GPC6: variants seen among roughly 807,000 people sequenced by gnomAD.
The protein encoded by GPC6 is glypican-6.
In GPC6, 14 loss-of-function variants were observed where a neutral mutation model predicts 55.2. That is an observed-to-expected ratio of 0.25 (90% CI 0.17 to 0.40). The LOEUF (loss-of-function observed/expected upper bound fraction) is 0.40. Among genes scored for constraint, GPC6 ranks in the 10% least tolerant of loss-of-function variants. The pLI is 1.00. For synonymous variants in GPC6, 278 were observed against 259.6 expected (o/e 1.07, Z -0.68); for missense variants, 641 against 708.5 (o/e 0.90, Z 1.08).
chr13:93,738,657 T>C (rs927822444), intron 2 of GPC6, among the ~76,000 whole-genome samples: 1 of 151,976 alleles, frequency 6.6e-6, no homozygotes, highest in African/African-American at 2.4e-5. Context: ...ACATGGGGGT[T>C]TGGAGTAGGA....
intron 1 of GPC6, among the ~76,000 whole-genome samples, chr13:93,351,884 T>G (rs937557977): frequency 2.0e-5 from 3 of 152,144 alleles, no homozygotes; most frequent in African/African-American, 7.2e-5. Flanking sequence ...AAGGTAATTA[T>G]TAAGGATAAG....
chr13:94,245,574 T>TAAAGAATA (rs933410637), intron 4 of GPC6, among the ~76,000 whole-genome samples: 1 of 151,886 alleles, frequency 6.6e-6, no homozygotes, highest in Non-Finnish European at 1.5e-5. Context: ...TCCCTGTCTC[T>TAAAGAATA]AAAAAATAAA....
intron 1 of GPC6, among the ~76,000 whole-genome samples, chr13:93,518,575 T>G (rs1417127762): frequency 6.6e-6 from 1 of 152,042 alleles, no homozygotes; most frequent in African/African-American, 2.4e-5. Context: ...GTTCCTTAAC[T>G]GTTATCTTAG....
chr13:93,360,889 C>G (rs116910188), intron 1 of GPC6, among the ~76,000 whole-genome samples: 2,912 of 152,226 alleles, frequency 0.019, 59 homozygotes, highest in South Asian at 0.045. Context: ...GATGTGGAAG[C>G]CTTTAACTCC....
chr13:93,533,268 C>G (rs1405200992), intron 1 of GPC6, among the ~76,000 whole-genome samples: 1 of 152,206 alleles, frequency 6.6e-6, no homozygotes. Flanking sequence ...AGACTAAGAA[C>G]AGTCCAGGTC....
intron 4 of GPC6, among the ~76,000 whole-genome samples, chr13:94,144,436 CA>C (rs1887489655): frequency 1.3e-5 from 2 of 150,242 alleles, no homozygotes; most frequent in South Asian, 2.1e-4. Flanking sequence ...CACACACACA[CA>C]CACACACCAG....
intron 2 of GPC6, among the ~76,000 whole-genome samples, chr13:93,716,232 C>A (rs986298723): frequency 1.3e-5 from 2 of 151,588 alleles, no homozygotes; most frequent in Non-Finnish European, 3.0e-5. Context: ...ATGTTTTAAT[C>A]ATTATTTCAG....
chr13:93,811,749 A>G (rs529625537), intron 2 of GPC6, among the ~76,000 whole-genome samples: 1 of 152,324 alleles, frequency 6.6e-6, no homozygotes, highest in South Asian at 2.1e-4. Flanking sequence ...TATGATCTAA[A>G]TTAATTGGGA....
At chr13:93,835,226 G>A (rs1287784068) in intron 3 of GPC6, among the ~76,000 whole-genome samples, 1 of 152,186 alleles carries the variant, frequency 6.6e-6, no homozygotes, top group Non-Finnish European at 1.5e-5. Context: ...GGCCGAGGCA[G>A]GTAGACAGCT....
chr13:93,321,854 A>G (rs1228619267), intron 1 of GPC6, among the ~76,000 whole-genome samples: 3 of 152,138 alleles, frequency 2.0e-5, no homozygotes, highest in Non-Finnish European at 2.9e-5. Flanking sequence ...CTAGTGTGAG[A>G]CCAGCATTAG....
In GPC6 at chr13:94,234,628, A is replaced by T. The variant is rs115075010; in HGVS notation, c.878-51721A>T. On this transcript the variant is annotated intron_variant, in intron 4 of 8. Transcript: ENST00000377047. ...TAGATCTCTTTAAAGAACTTCTTGG[A>T]CCCTTAAAGCTTGTTTTATGAACTA... is the stretch of plus-strand genomic sequence containing the variant. Among the ~76,000 whole-genome samples the T allele has an allele frequency of 6.5e-3, 977 of 151,046 alleles. 16 individuals carry two copies. Among genetic ancestry groups the T allele is most frequent in the African/African-American group, 0.022 (886 of 41,084 alleles).
intron 3 of GPC6, among the ~76,000 whole-genome samples, chr13:93,967,851 A>T (rs1880114769): frequency 6.6e-6 from 1 of 152,206 alleles, no homozygotes; most frequent in Non-Finnish European, 1.5e-5. Flanking sequence ...ATCAGAACTT[A>T]TTACTACCTC....
intron 1 of GPC6, among the ~76,000 whole-genome samples, chr13:93,472,634 G>GCATGT (rs1333938139): frequency 2.6e-5 from 4 of 152,218 alleles, no homozygotes; most frequent in Non-Finnish European, 5.9e-5. Context: ...GCCTGGTCTG[G>GCATGT]CATGTGGAGC....
intron 3 of GPC6, among the ~76,000 whole-genome samples, chr13:93,925,900 C>G (rs1177130153): frequency 6.6e-6 from 1 of 152,192 alleles, no homozygotes; most frequent in Non-Finnish European, 1.5e-5. Flanking sequence ...TGGCTCCTTA[C>G]TCACATGTTT....
chr13:93,573,006 AAGGAGGC>A (rs1876480540), intron 2 of GPC6, among the ~76,000 whole-genome samples: 1 of 152,114 alleles, frequency 6.6e-6, no homozygotes, highest in South Asian at 2.1e-4. Flanking sequence ...TGAAGTGGTG[AAGGAGGC>A]AGGGGAAAAG....
intron 1 of GPC6, among the ~76,000 whole-genome samples, chr13:93,317,992 G>T (rs911144300): frequency 1.3e-5 from 2 of 152,092 alleles, no homozygotes; most frequent in Admixed American, 1.3e-4. Context: ...CTCTTGTCCC[G>T]TCAAACATAC....
At chr13:94,132,355 C>T (rs1367816419) in intron 4 of GPC6, among the ~76,000 whole-genome samples, 1 of 152,168 alleles carries the variant, frequency 6.6e-6, no homozygotes, top group Non-Finnish European at 1.5e-5. Context: ...TAGGAATGCA[C>T]ATGCCTTCCT....
chr13:93,241,794 CTTA>C (rs2139016181), intron 1 of GPC6, among the ~76,000 whole-genome samples: 1 of 149,128 alleles, frequency 6.7e-6, no homozygotes, highest in South Asian at 2.1e-4. Context: ...ATTGTTTCTT[CTTA>C]TTATTTTTGA....
At chr13:94,233,671 C>T (rs1055330659) in intron 4 of GPC6, among the ~76,000 whole-genome samples, 7 of 151,980 alleles carry the variant, frequency 4.6e-5, no homozygotes, top group Admixed American at 1.3e-4. Context: ...TTTTCAGATT[C>T]GTTGTTTTGG....
Sources: allele counts gnomAD v4.1 joint callset (sites outside exome capture counted in the v4.1 genomes callset), GRCh38; gene constraint gnomAD v4.1.1; transcripts MANE v1.5; gene names NCBI Gene and HGNC (gene_info 2026-07-23, HGNC 2026-07-21).